CD2: variants seen among roughly 807,000 people sequenced by gnomAD.
CD2 encodes CD2 molecule.
CD2 carries 18 observed loss-of-function variants against 23.2 expected under a neutral mutation model. That is an observed-to-expected ratio of 0.77 (90% CI 0.54 to 1.15). CD2 has a LOEUF of 1.15. CD2 is among the 50% of genes most tolerant of loss of function. CD2 has a pLI of 0.00. For synonymous variants in CD2, 162 were observed against 151.9 expected (o/e 1.07, Z -0.49); for missense variants, 424 against 423.1 (o/e 1.00, Z -0.02).
intron 2 of CD2, among the ~76,000 whole-genome samples, chr1:116,756,635 A>G (rs1236548115): frequency 6.6e-6 from 1 of 152,118 alleles, no homozygotes; most frequent in Non-Finnish European, 1.5e-5. Flanking sequence ...TCCATATACT[A>G]AAATGGCCTT....
In CD2 at chr1:116,760,481, C is replaced by T. The variant is rs1319991225; in HGVS notation, c.462C>T (p.Pro154=). 6.8e-6 allele frequency: 11 copies of T among 1,614,056 alleles called. No homozygotes were observed. Among genetic ancestry groups the T allele is most frequent in the South Asian group, 2.2e-5 (2 of 91,088 alleles). The change falls in exon 3 of 5, where the codon CCC becomes CCT. Residue 154 remains proline, a synonymous_variant. Transcript: ENST00000369478. ...LTCEVMNGTD[P]ELNLYQDGKH... ...GTGAGGTAATGAATGGAACTGACCCCGAATTAAACCTGTATCAAGATGGGA... is the reference window on the plus strand; with the variant it reads ...GTGAGGTAATGAATGGAACTGACCCTGAATTAAACCTGTATCAAGATGGGA...
Position 116,754,485 on chromosome 1 carries a change from C to A in CD2, c.-8C>A. 1 of 1,613,112 alleles carries A rather than the reference C, an allele frequency of 6.2e-7. No individual in the cohort carries two copies. Among genetic ancestry groups the A allele is most frequent in the African/African-American group, 1.3e-5 (1 of 74,948 alleles). ...GCTCAGAATCAAAAGAGGAAACCAA[C>A]CCCTAAGATGAGCTTTCCATGTAAA... On this transcript the variant is annotated 5_prime_UTR_variant, in exon 1 of 5. Transcript: ENST00000369478.
intron 2 of CD2, among the ~76,000 whole-genome samples, chr1:116,755,811 A>T (rs950774600): frequency 6.6e-6 from 1 of 152,122 alleles, no homozygotes; most frequent in Non-Finnish European, 1.5e-5. Context: ...AAGGGAGAGA[A>T]GGTAGAGAAA....
Position 116,754,581 on chromosome 1 carries a change from A to G in CD2, c.61+28A>G, listed in dbSNP as rs762519492. ...AAGCATAAGAGTCAAAGAAGTCCCA[A>G]CCCAGCTTTCCCTGAAAGTGACTCT... On this transcript the variant is annotated intron_variant, in intron 1 of 4. Coordinates refer to ENST00000369478, the MANE Select transcript of CD2 (RefSeq NM_001767.5). 22 of 1,611,058 alleles carry G rather than the reference A, an allele frequency of 1.4e-5. No homozygotes were observed. The East Asian group carries it at 3.1e-4, about 23-fold the overall frequency.
At chr1:116,765,658 G>A (rs997987385) in intron 4 of CD2, among the ~76,000 whole-genome samples, 1 of 152,146 alleles carries the variant, frequency 6.6e-6, no homozygotes, top group African/African-American at 2.4e-5. Context: ...CAGCAGAATC[G>A]CTGGCAGGGC....
intron 4 of CD2, among the ~76,000 whole-genome samples, chr1:116,765,782 G>A (rs1652199467): frequency 6.6e-6 from 1 of 152,204 alleles, no homozygotes; most frequent in Non-Finnish European, 1.5e-5. Flanking sequence ...TTCTTCCAAG[G>A]TGGACCTCAC....
In CD2 at chr1:116,764,599, G is replaced by C. The variant is rs374986262; in HGVS notation, c.729G>C (p.Arg243=). The C allele has an allele frequency of 2.2e-5, 35 of 1,613,692 alleles. No individual in the cohort carries two copies. Among genetic ancestry groups the C allele is most frequent in the Non-Finnish European group, 2.9e-5 (34 of 1,179,828 alleles). ...CCAAAAGGAAAAAACAGAGGAGTCG[G>C]AGAAATGGTAAGCTCCCCCTCTTTT... ...YITKRKKQRS[R]RNDEELETRA... is the part of the protein sequence containing the mutation. Residue 243 remains arginine (R), a synonymous_variant, in exon 4 of 5, where the codon CGG becomes CGC. Transcript: ENST00000369478.
chr1:116,758,813 C>G (rs1376267660), intron 2 of CD2, among the ~76,000 whole-genome samples: 1 of 152,072 alleles, frequency 6.6e-6, no homozygotes, highest in African/African-American at 2.4e-5. Context: ...ATACTGAGAC[C>G]TAGTTGTTAT....
intron 3 of CD2, among the ~76,000 whole-genome samples, chr1:116,763,826 T>C (rs1048940589): frequency 6.6e-6 from 1 of 152,122 alleles, no homozygotes; most frequent in African/African-American, 2.4e-5. Flanking sequence ...AACTGAAGAC[T>C]AAGCCCACTG....
rs982033273 is a variant in CD2, at chr1:116,769,009, A to G, written c.*226A>G. The G allele has an allele frequency of 3.7e-6, 2 of 537,016 alleles. No homozygotes were observed. The highest frequency in any genetic ancestry group is 3.5e-5 in the Admixed American group (1 of 28,666). 33.3% of individuals were successfully genotyped at this position (537,016 alleles called of 1,614,324 possible). On this transcript the variant is annotated 3_prime_UTR_variant, in exon 5 of 5. Coordinates refer to ENST00000369478, the MANE Select transcript of CD2 (RefSeq NM_001767.5). ...TCACACCAGTAAGGAGAAGCAATAT[A>G]AGTGTGATTGCAAGAATGGTAGAGG...
At chr1:116,760,769 C>T in intron 3 of CD2, 137 bp downstream of exon 3, 2 of 681,754 alleles carry the variant, frequency 2.9e-6, no homozygotes, top group Non-Finnish European at 5.2e-6. Context: ...ATCTCTTCCT[C>T]CTGGAAACCT....
intron 2 of CD2, among the ~76,000 whole-genome samples, chr1:116,758,136 T>C (rs1325939606): frequency 6.6e-6 from 1 of 151,988 alleles, no homozygotes; most frequent in East Asian, 1.9e-4. Flanking sequence ...CATGAAAATA[T>C]TATTCATTAT....
chr1:116,755,935 C>T (rs1240550816), intron 2 of CD2, among the ~76,000 whole-genome samples: 3 of 152,126 alleles, frequency 2.0e-5, no homozygotes, highest in Non-Finnish European at 2.9e-5. Flanking sequence ...GGAACCCCAG[C>T]ATGAGCACAG....
intron 2 of CD2, among the ~76,000 whole-genome samples, chr1:116,758,365 C>T (rs1050354781): frequency 3.0e-4 from 45 of 152,068 alleles, no homozygotes; most frequent in African/African-American, 8.7e-4. Context: ...CTGTGCTTCA[C>T]ACAGAAAATG....
At chr1:116,764,834 T>C (rs150298795) in intron 4 of CD2, among the ~76,000 whole-genome samples, 1 of 152,352 alleles carries the variant, frequency 6.6e-6, no homozygotes, top group African/African-American at 2.4e-5. Context: ...CTGAATCCAG[T>C]TGGCCTCATT....
chr1:116,765,393 C>T (rs541862091), intron 4 of CD2, among the ~76,000 whole-genome samples: 12 of 152,312 alleles, frequency 7.9e-5, no homozygotes, highest in African/African-American at 2.9e-4. Context: ...ACAGCCACAC[C>T]AGCTGCTTCC....
chr1:116,762,636 A>G (rs1652092158), intron 3 of CD2, among the ~76,000 whole-genome samples: 1 of 152,202 alleles, frequency 6.6e-6, no homozygotes, highest in East Asian at 1.9e-4. Flanking sequence ...AAATACTAGG[A>G]GGAAGGAACA....
At chr1:116,759,518 T>A (rs1651967368) in intron 2 of CD2, among the ~76,000 whole-genome samples, 1 of 152,118 alleles carries the variant, frequency 6.6e-6, no homozygotes, top group Non-Finnish European at 1.5e-5. Context: ...CATCTAATGC[T>A]AGGCCTAGGC....
rs759709464 is a variant in CD2, at chr1:116,768,809, T to A, written c.*26T>A. On this transcript the variant is annotated 3_prime_UTR_variant, in exon 5 of 5. Transcript: ENST00000369478. Reference sequence around the variant, plus strand: ...AAAAGATAGAAACTGTCTTTTTCAATAAAAAGCACTGTGGATTTCTGCCCT... The same window carrying A: ...AAAAGATAGAAACTGTCTTTTTCAAAAAAAAGCACTGTGGATTTCTGCCCT... The A allele has an allele frequency of 6.3e-7, 1 of 1,582,870 alleles. No individual in the cohort carries two copies. The highest frequency in any genetic ancestry group is 8.6e-7 in the Non-Finnish European group (1 of 1,164,076).
Sources: allele counts gnomAD v4.1 joint callset (sites outside exome capture counted in the v4.1 genomes callset), GRCh38; gene constraint gnomAD v4.1.1; transcripts MANE v1.5; gene names NCBI Gene and HGNC (gene_info 2026-07-23, HGNC 2026-07-21).